ABCA13: variants seen among roughly 807,000 people sequenced by gnomAD.
ABCA13 encodes the protein ATP-binding cassette sub-family A member 13.
In ABCA13, 476 loss-of-function variants were observed where a neutral mutation model predicts 478.7. The ratio of observed to expected loss-of-function variants is 0.99; its 90% CI spans 0.92 to 1.07. The LOEUF (loss-of-function observed/expected upper bound fraction) is 1.07, where lower values mean the gene tolerates loss of function less well. Among genes scored for constraint, ABCA13 ranks in the 50% least tolerant of loss-of-function variants. The pLI is 0.00. For missense variants in ABCA13, 6,060 were observed against 5,910.6 expected (o/e 1.03, Z -0.83); for synonymous variants, 2,252 against 2,158.9 (o/e 1.04, Z -1.20).
intron 43 of ABCA13, among the ~76,000 whole-genome samples, chr7:48,457,275 C>A (rs1400505982): frequency 4.6e-5 from 7 of 151,476 alleles, no homozygotes; most frequent in Admixed American, 4.6e-4. Flanking sequence ...TAAGCATCAT[C>A]TATATATATA....
Position 48,276,124 on chromosome 7 carries a change from G to A in ABCA13, c.6458G>A (p.Ser2153Asn). 1 of 1,597,404 alleles carries A rather than the reference G, an allele frequency of 6.3e-7. No homozygotes were observed. ...TTATTCATTCCTGTGACCAATGAGA[G>A]TTCAACTGAAGATATAGCTTTGTTA... ...ETLFIPVTNE[S>N]STEDIALLAK... The change falls in exon 17 of 62, where the codon AGT becomes AAT. Residue 2153 changes from serine to asparagine, a missense_variant. Coordinates refer to ENST00000435803, the MANE Select transcript of ABCA13 (RefSeq NM_152701.5).
At chr7:48,339,700 A>T (rs1188271863) in intron 29 of ABCA13, among the ~76,000 whole-genome samples, 1 of 152,236 alleles carries the variant, frequency 6.6e-6, no homozygotes, top group Non-Finnish European at 1.5e-5. Flanking sequence ...TATGAGATTC[A>T]CATGGAATTT....
rs563819422 is a variant in ABCA13 at position 48,353,210 on chromosome 7, G to A, written c.10688+723G>A. Among the ~76,000 whole-genome samples the A allele has an allele frequency of 2.0e-4, 31 of 151,914 alleles. 2 individuals are homozygous for A. Among genetic ancestry groups the A allele is most frequent in the African/African-American group, 6.3e-4 (26 of 41,262 alleles). On this transcript the variant is annotated intron_variant, in intron 31 of 61. Coordinates refer to ENST00000435803, the MANE Select transcript of ABCA13 (RefSeq NM_152701.5). ...AACAGACTTCAAAGCTCACCAAAGC[G>A]GGGTGAGCCGTATTGCTGTGGGCTG...
At chr7:48,286,561 G>C (rs952092323) in intron 19 of ABCA13, among the ~76,000 whole-genome samples, 2 of 151,780 alleles carry the variant, frequency 1.3e-5, no homozygotes, top group Admixed American at 1.3e-4. Flanking sequence ...CTGGAGTGCA[G>C]TGGTGCGACC....
At position 48,273,655 on chromosome 7, in the gene ABCA13, CA is replaced by C. The variant is rs1386618266; in HGVS notation, c.3991del (p.Ile1331Ter). The C allele has an allele frequency of 6.2e-7, 1 of 1,607,220 alleles. No individual in the cohort carries two copies. Among genetic ancestry groups the C allele is most frequent in the Admixed American group, 1.7e-5 (1 of 59,086 alleles). On this transcript the variant is annotated frameshift_variant, in exon 17 of 62. Transcript: ENST00000435803. LOFTEE classifies it high-confidence loss of function. ...FENIITELREAIVFLRNVSHD... is the reference protein window; with the variant it reads ...FENIITELREXIVFLRNVSHD... ...AATATCATCACTGAGCTAAGAGAAG[CA>C]ATAGTATTTCTTAGAAATGTATCAC... is the stretch of plus-strand genomic sequence containing the variant.
intron 42 of ABCA13, among the ~76,000 whole-genome samples, chr7:48,429,551 T>C (rs911574993): frequency 2.6e-5 from 4 of 152,256 alleles, no homozygotes; most frequent in South Asian, 2.1e-4. Flanking sequence ...TATCTTTTCA[T>C]AGGCTTCATG....
chr7:48,562,302 T>TTTTG (rs57028415), intron 55 of ABCA13, among the ~76,000 whole-genome samples: 20,995 of 151,924 alleles, frequency 0.14, 1,803 homozygotes, highest in African/African-American at 0.23. Flanking sequence ...TGGGCTGAGT[T>TTTTG]TTTAATTCTA....
rs192921431 is a variant in ABCA13 at position 48,602,741 on chromosome 7, T to C, written c.14744+7928T>C. Among the ~76,000 whole-genome samples the C allele has an allele frequency of 5.6e-3, 691 of 122,626 alleles. 5 individuals are homozygous for C. The highest frequency in any genetic ancestry group is 0.023 in the African/African-American group (658 of 28,990). 80.4% of individuals were successfully genotyped at this position (122,626 alleles called of 152,430 possible). A position where few individuals can be genotyped will look rare whatever the true frequency, so the allele number is the denominator to read the frequency against. On this transcript the variant is annotated intron_variant, in intron 58 of 61. Transcript: ENST00000435803. ...TGGTTCCATATGAAATTTAAAGTGG[T>C]TTTTTTTTTCCAATTCTGTGAAGAA... is the stretch of plus-strand genomic sequence containing the variant.
At chr7:48,634,828 C>T (rs1794493106) in intron 59 of ABCA13, among the ~76,000 whole-genome samples, 1 of 152,074 alleles carries the variant, frequency 6.6e-6, no homozygotes, top group South Asian at 2.1e-4. Flanking sequence ...AATGTTGTCC[C>T]TTCATTTTCA....
At chr7:48,229,028 A>T (rs1328334271) in intron 6 of ABCA13, among the ~76,000 whole-genome samples, 3 of 152,182 alleles carry the variant, frequency 2.0e-5, no homozygotes, top group African/African-American at 7.2e-5. Flanking sequence ...TTTCAGTGAT[A>T]TATCTTATAA....
At chr7:48,227,563 C>CTTG in intron 6 of ABCA13, 138 bp downstream of exon 6, 1 of 1,014,672 alleles carries the variant, frequency 9.9e-7, no homozygotes, top group Non-Finnish European at 1.4e-6. Flanking sequence ...AGAGGAGCTT[C>CTTG]TGCACCTCCA....
intron 3 of ABCA13, among the ~76,000 whole-genome samples, chr7:48,208,127 C>G (rs1337295532): frequency 6.6e-6 from 1 of 151,972 alleles, no homozygotes; most frequent in Non-Finnish European, 1.5e-5. Context: ...TTTCTGGGTT[C>G]TCTGTTCTGT....
At chr7:48,474,041 C>CA (rs1827812349) in intron 45 of ABCA13, among the ~76,000 whole-genome samples, 2 of 151,296 alleles carry the variant, frequency 1.3e-5, no homozygotes, top group East Asian at 3.9e-4. Flanking sequence ...GATCAGTTAT[C>CA]TTTTTTTTTA....
chr7:48,410,217 G>C (rs1412385429), intron 39 of ABCA13, among the ~76,000 whole-genome samples: 1 of 151,256 alleles, frequency 6.6e-6, no homozygotes, highest in Non-Finnish European at 1.5e-5. Flanking sequence ...CAAAGACAGA[G>C]AGAACAGGGG....
At chr7:48,216,770 G>A (rs998577516) in intron 3 of ABCA13, among the ~76,000 whole-genome samples, 2 of 151,808 alleles carry the variant, frequency 1.3e-5, no homozygotes, top group Non-Finnish European at 1.5e-5. Context: ...TATGGTGTGA[G>A]GAAGGGATAC....
chr7:48,294,098 AT>A (rs1798984460), intron 20 of ABCA13, among the ~76,000 whole-genome samples: 1 of 151,716 alleles, frequency 6.6e-6, no homozygotes, highest in Non-Finnish European at 1.5e-5. Context: ...TTTCATATTT[AT>A]TTTTTAATAA....
chr7:48,557,266 T>C (rs1317237264), intron 55 of ABCA13, among the ~76,000 whole-genome samples: 1 of 151,692 alleles, frequency 6.6e-6, no homozygotes, highest in African/African-American at 2.4e-5. Flanking sequence ...TCTGTATTTT[T>C]CTGTGTGCTC....
rs528324585 is a variant in ABCA13, at chr7:48,371,184, T to C, written c.10804-984T>C. Among the ~76,000 whole-genome samples the C allele has an allele frequency of 6.6e-5, 10 of 152,314 alleles. No homozygotes were observed. The South Asian group carries it at 2.1e-3, about 32-fold the overall frequency. On this transcript the variant is annotated intron_variant, in intron 32 of 61. Coordinates refer to ENST00000435803, the MANE Select transcript of ABCA13 (RefSeq NM_152701.5). ...CCATGCTGTTTTGGTTACTGTAGCT[T>C]TGTAGTATAGTTTGAAGTCAGGTAG... is the stretch of plus-strand genomic sequence containing the variant.
At chr7:48,507,523 G>C (rs1284273756) in intron 49 of ABCA13, among the ~76,000 whole-genome samples, 1 of 152,178 alleles carries the variant, frequency 6.6e-6, no homozygotes, top group Non-Finnish European at 1.5e-5. Context: ...AGCAGTCCCT[G>C]TGTGGGCAAA....
Sources: gnomAD v4.1 joint callset for allele counts (sites outside exome capture counted in the v4.1 genomes callset) on GRCh38, gnomAD v4.1.1 for gene constraint, MANE v1.5 for transcripts, NCBI Gene and HGNC (gene_info 2026-07-23, HGNC 2026-07-21) for gene names.